The following PRKN variants were observed in gnomAD, a reference collection of about 807,000 sequenced individuals.
PRKN encodes E3 ubiquitin-protein ligase parkin.
PRKN carries 56 observed loss-of-function variants against 59.5 expected under a neutral mutation model. That is an observed-to-expected ratio of 0.94 (90% confidence interval 0.76 to 1.18). The LOEUF (loss-of-function observed/expected upper bound fraction) is 1.18. Ranked by LOEUF, PRKN falls within the 50% of genes most tolerant of loss-of-function variation. The pLI is 0.00. For missense variants in PRKN, 657 were observed against 596.4 expected (o/e 1.10, Z -1.06); for synonymous variants, 250 against 222.1 (o/e 1.13, Z -1.12).
At chr6:162,116,432 C>T (rs77468489) in intron 4 of PRKN, among the ~76,000 whole-genome samples, 20,084 of 152,078 alleles carry the variant, frequency 0.13, 1,503 homozygotes, top group Middle Eastern at 0.21. Context: ...AGGAAAGGGA[C>T]GACATCATAA....
At chr6:161,368,319 T>TTA (rs1166243241) in intron 10 of PRKN, among the ~76,000 whole-genome samples, 2 of 143,172 alleles carry the variant, frequency 1.4e-5, no homozygotes, top group African/African-American at 5.1e-5. Context: ...GTATATATAT[T>TTA]TATATATATT....
chr6:162,145,252 C>G (rs1486622209), intron 4 of PRKN, among the ~76,000 whole-genome samples: 3 of 152,090 alleles, frequency 2.0e-5, no homozygotes, highest in African/African-American at 7.2e-5. Flanking sequence ...TTAATAAAGA[C>G]CTGGATGTCA....
intron 1 of PRKN, among the ~76,000 whole-genome samples, chr6:162,690,389 C>T (rs1287056532): frequency 6.6e-6 from 1 of 152,230 alleles, no homozygotes; most frequent in Non-Finnish European, 1.5e-5. Context: ...TTCAGAGTCT[C>T]TGTTTCCTTG....
intron 7 of PRKN, among the ~76,000 whole-genome samples, chr6:161,603,264 G>T (rs1430861149): frequency 6.6e-6 from 1 of 152,144 alleles, no homozygotes; most frequent in Non-Finnish European, 1.5e-5. Flanking sequence ...ATATAACTCA[G>T]ACTCATTTCC....
chr6:162,500,052 G>T (rs1293323504), intron 1 of PRKN, among the ~76,000 whole-genome samples: 1 of 152,028 alleles, frequency 6.6e-6, no homozygotes, highest in African/African-American at 2.4e-5. Context: ...ATGGTTCATG[G>T]CTCATGGCAC....
chr6:161,814,494 G>C (rs1791687047), intron 6 of PRKN, among the ~76,000 whole-genome samples: 2 of 152,048 alleles, frequency 1.3e-5, no homozygotes, highest in South Asian at 4.1e-4. Context: ...GTGTGTGCAG[G>C]GGAACTGCCT....
At position 161,561,473 on chromosome 6, in the gene PRKN, T is replaced by A. The variant is rs973551129; in HGVS notation, c.933+7882A>T. ...ACACTCTAAGTGTCAAGTACTCTTC[T>A]ATGTGGAAGACGCAGCAGTGAAAAA... On this transcript the variant is annotated intron_variant, in intron 8 of 11. Transcript: ENST00000366898. This position sits in a 1 kb window ranked among gnomAD's most constrained non-coding sequence, Gnocchi z 5.0. Among the ~76,000 whole-genome samples the A allele has an allele frequency of 6.6e-6, 1 of 152,204 alleles. No individual in the cohort carries two copies. The highest frequency in any genetic ancestry group is 1.9e-4 in the East Asian group (1 of 5,174).
intron 2 of PRKN, among the ~76,000 whole-genome samples, chr6:162,425,686 A>G (rs1471981465): frequency 6.6e-6 from 1 of 152,212 alleles, no homozygotes; most frequent in Non-Finnish European, 1.5e-5. Context: ...AATTACCTGG[A>G]ATGCAGCACA....
intron 6 of PRKN, among the ~76,000 whole-genome samples, chr6:161,791,169 A>G (rs937809564): frequency 2.0e-5 from 3 of 152,228 alleles, no homozygotes; most frequent in African/African-American, 7.2e-5. Flanking sequence ...TTATATATAA[A>G]AAGACTTATA....
chr6:161,787,819 G>A (rs995995018), intron 6 of PRKN, among the ~76,000 whole-genome samples: 5 of 152,138 alleles, frequency 3.3e-5, no homozygotes, highest in Admixed American at 6.5e-5. Flanking sequence ...GGTGGCGGGC[G>A]CCTGTAATCC....
At position 162,031,005 on chromosome 6, in the gene PRKN, C is replaced by T. The variant is rs554592588; in HGVS notation, c.618+23086G>A. Among the ~76,000 whole-genome samples the T allele has an allele frequency of 2.0e-4, 30 of 152,266 alleles. No individual in the cohort carries two copies. The East Asian group carries it at 2.7e-3, about 14-fold the overall frequency. ...CAAAGAAATTAAAAAGAAACTATAG[C>T]GCATTTCCTCCTCTAAGATAAGACT... On this transcript the variant is annotated intron_variant, in intron 5 of 11. Transcript: ENST00000366898.
chr6:161,371,271 T>A lies in PRKN; in HGVS notation c.1168-11066A>T, dbSNP rs550532166. On this transcript the variant is annotated intron_variant, in intron 10 of 11. Transcript: ENST00000366898. The surrounding 1 kb of genome is among the most constrained non-coding windows in gnomAD (Gnocchi z 5.5). Reference sequence around the variant, plus strand: ...CCTCCACCTCCTGGGTTCAAATGATTCTGCTGCCTCGGCCTCTCAAGTAGC... The same window carrying A: ...CCTCCACCTCCTGGGTTCAAATGATACTGCTGCCTCGGCCTCTCAAGTAGC... Among the ~76,000 whole-genome samples, 1 of 152,010 alleles carries A rather than the reference T, an allele frequency of 6.6e-6. No homozygotes were observed. The highest frequency in any genetic ancestry group is 2.4e-5 in the African/African-American group (1 of 41,450).
intron 2 of PRKN, among the ~76,000 whole-genome samples, chr6:162,428,219 CAA>C (rs1019468955): frequency 7.9e-5 from 12 of 152,286 alleles, no homozygotes; most frequent in African/African-American, 2.6e-4. Flanking sequence ...TAATCAAATT[CAA>C]AGTCACTAAT....
intron 2 of PRKN, among the ~76,000 whole-genome samples, chr6:162,373,258 A>C (rs1177155177): frequency 1.3e-5 from 2 of 152,198 alleles, no homozygotes; most frequent in Non-Finnish European, 2.9e-5. Flanking sequence ...TTCTTTTGAG[A>C]AAAATTTGGC....
At chr6:162,477,608 C>G (rs1036340752) in intron 1 of PRKN, among the ~76,000 whole-genome samples, 4 of 152,132 alleles carry the variant, frequency 2.6e-5, no homozygotes, top group African/African-American at 9.7e-5. Flanking sequence ...GTTCACAGTC[C>G]TTTACGATTC....
chr6:161,484,957 T>G lies in PRKN; in HGVS notation c.1083+63897A>C, dbSNP rs1175119174. On this transcript the variant is annotated intron_variant, in intron 9 of 11. Coordinates refer to ENST00000366898, the MANE Select transcript of PRKN (RefSeq NM_004562.3). This position sits in a 1 kb window ranked among gnomAD's most constrained non-coding sequence, Gnocchi z 4.9. ...TTGCTGCCGCCGGCTTCCCCCTGCT[T>G]CTTTGAGGCAAAAATCAGGTCGGAC... Among the ~76,000 whole-genome samples the G allele has an allele frequency of 2.6e-5, 4 of 152,144 alleles. No homozygotes were observed. The highest frequency in any genetic ancestry group is 5.9e-5 in the Non-Finnish European group (4 of 68,032).
At chr6:162,243,162 G>A (rs1779058322) in intron 3 of PRKN, among the ~76,000 whole-genome samples, 1 of 152,090 alleles carries the variant, frequency 6.6e-6, no homozygotes, top group African/African-American at 2.4e-5. Context: ...CTGTTTTCTT[G>A]AGATGGGCTC....
intron 4 of PRKN, among the ~76,000 whole-genome samples, chr6:162,107,858 A>G (rs1780259645): frequency 6.6e-6 from 1 of 152,214 alleles, no homozygotes; most frequent in Non-Finnish European, 1.5e-5. Flanking sequence ...GTTTGTCAAA[A>G]AACACCAGTC....
intron 7 of PRKN, among the ~76,000 whole-genome samples, chr6:161,572,255 T>C (rs916634901): frequency 1.3e-5 from 2 of 152,192 alleles, no homozygotes; most frequent in South Asian, 4.1e-4. Flanking sequence ...TTATATAACA[T>C]TTCATATGTT....
Sources: allele counts gnomAD v4.1 joint callset (sites outside exome capture counted in the v4.1 genomes callset), GRCh38; gene constraint gnomAD v4.1.1; non-coding constraint Gnocchi (gnomAD v3.1); transcripts MANE v1.5; gene names NCBI Gene and HGNC (gene_info 2026-07-23, HGNC 2026-07-21).